PHLPP1: variants seen among roughly 807,000 people sequenced by gnomAD.
The protein encoded by PHLPP1 is PH domain leucine-rich repeat-containing protein phosphatase 1.
PHLPP1 carries 42 observed loss-of-function variants against 117.2 expected under a neutral mutation model. That is an observed-to-expected ratio of 0.36 (90% CI 0.28 to 0.46). The LOEUF (loss-of-function observed/expected upper bound fraction) is 0.46, where lower values mean the gene tolerates loss of function less well. Ranked by LOEUF, PHLPP1 falls within the 20% of genes least tolerant of loss-of-function variation. The pLI is 1.00. For synonymous variants in PHLPP1, 1,042 were observed against 970.7 expected, an observed-to-expected ratio of 1.07 and a Z score of -1.37; for missense variants, 2,084 against 2,241.9, an observed-to-expected ratio of 0.93 and a Z score of 1.42.
At chr18:62,858,377 C>T (rs971453756) in intron 3 of PHLPP1, among the ~76,000 whole-genome samples, 4 of 151,950 alleles carry the variant, frequency 2.6e-5, no homozygotes, top group African/African-American at 7.3e-5. Context: ...ATTCTGCTGC[C>T]TCAGCCTCCC....
At chr18:62,834,772 G>A (rs1309489145) in intron 2 of PHLPP1, among the ~76,000 whole-genome samples, 1 of 151,942 alleles carries the variant, frequency 6.6e-6, no homozygotes, top group Non-Finnish European at 1.5e-5. Context: ...AAACCATCAC[G>A]GCAACCAGGA....
intron 1 of PHLPP1, among the ~76,000 whole-genome samples, chr18:62,787,933 T>C (rs932509231): frequency 4.5e-4 from 69 of 152,210 alleles, no homozygotes; most frequent in African/African-American, 1.5e-3. Context: ...AAAAGTACAT[T>C]TGCCCTGTTT....
intron 1 of PHLPP1, among the ~76,000 whole-genome samples, chr18:62,728,922 GTTGTC>G (rs1911153482): frequency 6.6e-6 from 1 of 151,972 alleles, no homozygotes; most frequent in Non-Finnish European, 1.5e-5. Context: ...GGTTCCATGT[GTTGTC>G]TTGAACTGAT....
chr18:62,844,203 G>C (rs986562662), intron 3 of PHLPP1, among the ~76,000 whole-genome samples: 2 of 152,086 alleles, frequency 1.3e-5, no homozygotes, highest in Admixed American at 1.3e-4. Flanking sequence ...TGGGCATGAT[G>C]GTGGGTGTCT....
intron 1 of PHLPP1, among the ~76,000 whole-genome samples, chr18:62,818,943 G>C (rs773272877): frequency 2.0e-5 from 3 of 152,148 alleles, no homozygotes; most frequent in Non-Finnish European, 2.9e-5. Context: ...ATGCAGAGCT[G>C]GGAATAGATA....
chr18:62,715,806 G>GCA lies in PHLPP1; in HGVS notation c.123_124insCA (p.Ala42GlnfsTer15). On this transcript the variant is annotated frameshift_variant, in exon 1 of 17. Transcript: ENST00000262719. LOFTEE classifies it high-confidence loss of function. ...CAGCAGCGGCGGCCGCGGCGGCTCT[G>GCA]GCGGCGGCGGCCGGGGGCGGCCGGA... is the stretch of plus-strand genomic sequence containing the variant. 1 of 793,974 alleles carries GCA rather than the reference G, an allele frequency of 1.3e-6. No homozygotes were observed. Among genetic ancestry groups the GCA allele is most frequent in the Non-Finnish European group, 1.5e-6 (1 of 646,498 alleles). The allele number at this position is 793,974 out of a possible 1,614,324, so 49.2% of individuals were successfully genotyped here. A position where few individuals can be genotyped will look rare whatever the true frequency, so the allele number is the denominator to read the frequency against.
At chr18:62,957,132 A>G (rs1275914775) in intron 12 of PHLPP1, among the ~76,000 whole-genome samples, 2 of 152,150 alleles carry the variant, frequency 1.3e-5, no homozygotes, top group Admixed American at 6.5e-5. Context: ...TCTCCACCCC[A>G]TACTATATAC....
intron 1 of PHLPP1, among the ~76,000 whole-genome samples, chr18:62,758,211 T>C (rs976722957): frequency 2.0e-5 from 3 of 152,366 alleles, no homozygotes; most frequent in Middle Eastern, 3.4e-3. Flanking sequence ...TTGTAACTTT[T>C]TTTTCTTACC....
At chr18:62,769,235 T>C (rs1912668895) in intron 1 of PHLPP1, among the ~76,000 whole-genome samples, 1 of 152,222 alleles carries the variant, frequency 6.6e-6, no homozygotes, top group African/African-American at 2.4e-5. Flanking sequence ...GAACATTAGA[T>C]GTAAATCTTG....
intron 1 of PHLPP1, among the ~76,000 whole-genome samples, chr18:62,732,724 A>G (rs1911261768): frequency 6.6e-6 from 1 of 152,246 alleles, no homozygotes; most frequent in African/African-American, 2.4e-5. Flanking sequence ...AGGTTTCACC[A>G]TTCCGGATGC....
At chr18:62,772,836 A>AAAAAAAAG (rs1912832240) in intron 1 of PHLPP1, among the ~76,000 whole-genome samples, 1 of 151,624 alleles carries the variant, frequency 6.6e-6, no homozygotes, top group African/African-American at 2.4e-5. Flanking sequence ...TTCTCAAAAA[A>AAAAAAAAG]AAAAAAAAAA....
At chr18:62,924,308 T>C (rs1183419111) in intron 10 of PHLPP1, among the ~76,000 whole-genome samples, 1 of 152,266 alleles carries the variant, frequency 6.6e-6, no homozygotes, top group Admixed American at 6.5e-5. Context: ...TAATAAATTA[T>C]GGTTACAGTT....
chr18:62,901,183 A>G (rs759430849), intron 6 of PHLPP1, among the ~76,000 whole-genome samples: 20 of 152,230 alleles, frequency 1.3e-4, no homozygotes, highest in Non-Finnish European at 2.8e-4. Context: ...AGTGAAGATG[A>G]TAAAGCCATT....
At position 62,938,700 on chromosome 18, in the gene PHLPP1, C is replaced by A. The variant is rs781345607; in HGVS notation, c.2961-3018C>A. Among the ~76,000 whole-genome samples the A allele has an allele frequency of 4.5e-4, 68 of 152,232 alleles. 1 individual carries two copies. Among genetic ancestry groups the A allele is most frequent in the Non-Finnish European group, 8.8e-4 (60 of 68,014 alleles). On this transcript the variant is annotated intron_variant, in intron 10 of 16. Transcript: ENST00000262719. ...GCTGGCAGTTTCCCCCTTAATTTTGCATAAAAGGTATATAGTTCCTTAATT... is the reference window on the plus strand; with the variant it reads ...GCTGGCAGTTTCCCCCTTAATTTTGAATAAAAGGTATATAGTTCCTTAATT...
intron 3 of PHLPP1, among the ~76,000 whole-genome samples, chr18:62,853,619 C>T (rs1004357991): frequency 2.6e-5 from 4 of 152,216 alleles, no homozygotes; most frequent in East Asian, 3.8e-4. Flanking sequence ...ATCTGCCCCC[C>T]TCGGCCCCAC....
intron 6 of PHLPP1, 22 bp from the exon 7 acceptor site, chr18:62,902,940 GTC>G (rs1206694049): frequency 4.7e-6 from 7 of 1,500,922 alleles, no homozygotes; most frequent in Non-Finnish European, 6.5e-6. Flanking sequence ...GTTAATTATA[GTC>G]TCTATGTCCT....
chr18:62,927,673 A>G (rs912320062), intron 10 of PHLPP1, among the ~76,000 whole-genome samples: 1 of 152,126 alleles, frequency 6.6e-6, no homozygotes, highest in Non-Finnish European at 1.5e-5. Flanking sequence ...AGAGGATGAA[A>G]ATAAGATAAA....
At chr18:62,801,682 C>A (rs1002988533) in intron 1 of PHLPP1, among the ~76,000 whole-genome samples, 1 of 152,034 alleles carries the variant, frequency 6.6e-6, no homozygotes, top group East Asian at 1.9e-4. Flanking sequence ...AAACTCCTGA[C>A]GTCAAGTGGT....
At chr18:62,752,148 C>A (rs1911875565) in intron 1 of PHLPP1, among the ~76,000 whole-genome samples, 1 of 152,110 alleles carries the variant, frequency 6.6e-6, no homozygotes, top group Non-Finnish European at 1.5e-5. Flanking sequence ...CATGAACATG[C>A]CTCCCTGCAG....
Sources: allele counts gnomAD v4.1 joint callset (sites outside exome capture counted in the v4.1 genomes callset), GRCh38; gene constraint gnomAD v4.1.1; transcripts MANE v1.5; gene names NCBI Gene and HGNC (gene_info 2026-07-23, HGNC 2026-07-21).